Variants in GLIS3 observed in about 807,000 individuals in gnomAD.
The protein encoded by GLIS3 is GLIS family zinc finger 3.
A neutral mutation model predicts 78.6 loss-of-function variants in GLIS3; 53 were observed. The ratio of observed to expected loss-of-function variants is 0.67; its 90% CI spans 0.54 to 0.85. GLIS3 has a LOEUF of 0.85. GLIS3 is among the 40% of genes least tolerant of loss of function. GLIS3 has a pLI of 0.00. For missense variants in GLIS3, 1,703 were observed against 1,231.1 expected (o/e 1.38, Z -5.74); for synonymous variants, 684 against 509.9 (o/e 1.34, Z -4.60).
intron 2 of GLIS3, among the ~76,000 whole-genome samples, chr9:4,318,068 G>C (rs1012298849): frequency 2.0e-5 from 3 of 152,214 alleles, no homozygotes; most frequent in African/African-American, 7.2e-5. Flanking sequence ...GTCAAAGTAA[G>C]TTATTTCAGC....
At chr9:4,144,766 C>G (rs1192245014) in intron 2 of GLIS3, 1 of 151,960 alleles carries the variant, frequency 6.6e-6, no homozygotes, top group Non-Finnish European at 1.5e-5. Context: ...GCTTTTTTTC[C>G]TCCTCCATGA....
rs1400662702 is a variant in GLIS3, at chr9:4,278,539, T to A, written c.388+7499A>T. 3.9e-5 allele frequency among the ~76,000 whole-genome samples: 6 copies of A among 151,960 alleles called. No individual in the cohort carries two copies. In the East Asian group the frequency reaches 5.8e-4, roughly 15 times the overall value. On this transcript the variant is annotated intron_variant, in intron 2 of 10. Coordinates refer to ENST00000381971, the MANE Select transcript of GLIS3 (RefSeq NM_001042413.2). ...GGTAATGAATTCTAACAGAATAATT[T>A]AAAAAAAATCCATGAGTGATTCTGT...
chr9:4,118,318 T>A lies in GLIS3; in HGVS notation c.1160A>T (p.Asp387Val). ...GGLALPAYGE[D>V]GALEHERMQQ... ...CATGCGCTCGTGCTCCAGGGCCCCGTCCTCGCCGTAGGCCGGCAGCGCCAG... is the reference window on the plus strand; with the variant it reads ...CATGCGCTCGTGCTCCAGGGCCCCGACCTCGCCGTAGGCCGGCAGCGCCAG... Residue 387 changes from aspartate (D) to valine (V), a missense_variant, in exon 4 of 11, where the codon GAC becomes GTC. Asp to Val is a radical substitution (Grantham distance 152). Coordinates refer to ENST00000381971, the MANE Select transcript of GLIS3 (RefSeq NM_001042413.2). The surrounding 1 kb of genome is among the most constrained non-coding windows in gnomAD (Gnocchi z 4.7). 1 of 1,574,388 alleles carries A rather than the reference T, an allele frequency of 6.4e-7. No individual in the cohort carries two copies. Among genetic ancestry groups the A allele is most frequent in the Non-Finnish European group, 8.6e-7 (1 of 1,162,864 alleles).
intron 8 of GLIS3, among the ~76,000 whole-genome samples, chr9:3,863,781 T>C (rs879635171): frequency 3.3e-5 from 5 of 152,044 alleles, no homozygotes; most frequent in Non-Finnish European, 4.4e-5. Context: ...AGGGAGCGAG[T>C]TGTAAGTCAA....
intron 4 of GLIS3, among the ~76,000 whole-genome samples, chr9:4,088,984 G>C (rs1053173887): frequency 6.6e-6 from 1 of 152,198 alleles, no homozygotes; most frequent in Non-Finnish European, 1.5e-5. Flanking sequence ...ACTTAATTTT[G>C]ACAGAAACAT....
chr9:4,469,591 T>G, the GLIS3 span, among the ~76,000 whole-genome samples: 4 of 151,878 alleles, frequency 2.6e-5, no homozygotes, highest in Non-Finnish European at 4.4e-5. Flanking sequence ...AAACCAAACA[T>G]AACAAAGACA....
At chr9:4,145,286 C>G (rs1037161028) in intron 2 of GLIS3, 1 of 152,196 alleles carries the variant, frequency 6.6e-6, no homozygotes, top group African/African-American at 2.4e-5. Flanking sequence ...AATACTACAA[C>G]GTCCCACTAC....
chr9:3,852,111 C>T (rs1045749171), intron 9 of GLIS3, among the ~76,000 whole-genome samples: 5 of 151,158 alleles, frequency 3.3e-5, no homozygotes, highest in African/African-American at 1.2e-4. Context: ...TGTCACGGTA[C>T]TCCCGCCTGG....
chr9:3,932,427 G>T lies in GLIS3; in HGVS notation c.1916C>A (p.Thr639Lys), dbSNP rs1374874860. The change falls in exon 6 of 11, where the codon ACA becomes AAA. Residue 639 changes from threonine to lysine, a missense_variant. Transcript: ENST00000381971. ...CQIPGCTKRYTDPSSLRKHVK... is the reference protein window; with the variant it reads ...CQIPGCTKRYKDPSSLRKHVK... Reference sequence around the variant, plus strand: ...ATGCTTTCTTAGGGAACTTGGGTCTGTGTAGCGTTTGGTACATCCTGGAAT... The same window carrying T: ...ATGCTTTCTTAGGGAACTTGGGTCTTTGTAGCGTTTGGTACATCCTGGAAT... The T allele has an allele frequency of 1.2e-6, 2 of 1,613,950 alleles. No homozygotes were observed. Among genetic ancestry groups the T allele is most frequent in the Non-Finnish European group, 1.7e-6 (2 of 1,179,858 alleles).
intron 7 of GLIS3, among the ~76,000 whole-genome samples, chr9:3,896,711 T>C (rs1822870267): frequency 1.1e-5 from 1 of 92,238 alleles, no homozygotes; most frequent in East Asian, 3.4e-4. Flanking sequence ...TTCACAGTCA[T>C]AAGGTACCTG....
At position 4,093,274 on chromosome 9, in the gene GLIS3, A is replaced by C. The variant is rs566411085; in HGVS notation, c.1710+24494T>G. On this transcript the variant is annotated intron_variant, in intron 4 of 10. Transcript: ENST00000381971. ...CTATGCTGCCTGGAAAAAAAAAAAA[A>C]AGTTAATATAATGAATGAATGTTCC... Among the ~76,000 whole-genome samples the C allele has an allele frequency of 2.0e-5, 3 of 152,114 alleles. No homozygotes were observed. In the East Asian group the frequency reaches 5.8e-4, roughly 29 times the overall value.
chr9:4,060,380 C>T lies in GLIS3; in HGVS notation c.1710+57388G>A, dbSNP rs536050428. Among the ~76,000 whole-genome samples the T allele has an allele frequency of 2.0e-5, 3 of 152,272 alleles. No individual in the cohort carries two copies. In the South Asian group the frequency reaches 6.2e-4, roughly 32 times the overall value. On this transcript the variant is annotated intron_variant, in intron 4 of 10. Coordinates refer to ENST00000381971, the MANE Select transcript of GLIS3 (RefSeq NM_001042413.2). Reference sequence around the variant, plus strand: ...CACCTTCAGTGGTCATCCCTTTCAACTGAACCTAACTTTACTTCTTCCCAG... The same window carrying T: ...CACCTTCAGTGGTCATCCCTTTCAATTGAACCTAACTTTACTTCTTCCCAG...
intron 4 of GLIS3, among the ~76,000 whole-genome samples, chr9:3,961,219 C>T (rs1472552601): frequency 6.6e-6 from 1 of 152,148 alleles, no homozygotes; most frequent in Non-Finnish European, 1.5e-5. Flanking sequence ...TTGCTGTTGC[C>T]TTAGAATGGT....
At chr9:4,314,098 G>A (rs1468072695) in intron 2 of GLIS3, among the ~76,000 whole-genome samples, 2 of 152,156 alleles carry the variant, frequency 1.3e-5, no homozygotes, top group East Asian at 3.8e-4. Flanking sequence ...CTTAACCTTT[G>A]TGTGCCTCAG....
intron 2 of GLIS3, among the ~76,000 whole-genome samples, chr9:4,279,297 C>CAA (rs56734583): frequency 1.1e-4 from 10 of 91,982 alleles, no homozygotes; most frequent in African/African-American, 3.7e-4. Flanking sequence ...GACTCCATCT[C>CAA]AAAAAAAAAA....
chr9:4,031,256 AT>A (rs1182171935), intron 4 of GLIS3, among the ~76,000 whole-genome samples: 1 of 152,220 alleles, frequency 6.6e-6, no homozygotes, highest in African/African-American at 2.4e-5. Flanking sequence ...AGATGAATGA[AT>A]AGGTAAACAA....
intron 2 of GLIS3, among the ~76,000 whole-genome samples, chr9:4,135,158 T>C (rs193170393): frequency 6.6e-6 from 1 of 152,334 alleles, no homozygotes; most frequent in Admixed American, 6.5e-5. Context: ...TGTCAAAGCG[T>C]TGTCTAGAAT....
At chr9:4,107,461 G>T (rs1830849878) in intron 4 of GLIS3, among the ~76,000 whole-genome samples, 1 of 152,118 alleles carries the variant, frequency 6.6e-6, no homozygotes, top group Non-Finnish European at 1.5e-5. Context: ...CCTAGACTCA[G>T]ATTGCAGAGC....
At chr9:4,167,726 C>T (rs1564143019) in intron 2 of GLIS3, among the ~76,000 whole-genome samples, 1 of 152,216 alleles carries the variant, frequency 6.6e-6, no homozygotes, top group African/African-American at 2.4e-5. Flanking sequence ...CACTCACGTT[C>T]CTTTCACTGA....
Sources: allele counts gnomAD v4.1 joint callset (sites outside exome capture counted in the v4.1 genomes callset), GRCh38; gene constraint gnomAD v4.1.1; non-coding constraint Gnocchi (gnomAD v3.1); transcripts MANE v1.5; gene names NCBI Gene and HGNC (gene_info 2026-07-23, HGNC 2026-07-21).